Variants in PAK1IP1 observed in about 807,000 individuals in gnomAD.
PAK1IP1 encodes the protein p21-activated protein kinase-interacting protein 1.
PAK1IP1 carries 24 observed loss-of-function variants against 42.0 expected under a neutral mutation model. That is an observed-to-expected ratio of 0.57 (90% CI 0.41 to 0.80). PAK1IP1 has a LOEUF of 0.80. PAK1IP1 is among the 30% of genes least tolerant of loss of function. The pLI is 0.00. For missense variants in PAK1IP1, 411 were observed against 467.9 expected (o/e 0.88, Z 1.12); for synonymous variants, 154 against 156.7 (o/e 0.98, Z 0.13).
chr6:10,704,638 G>A lies in PAK1IP1; in HGVS notation c.628G>A (p.Val210Ile). 1.9e-6 allele frequency: 3 copies of A among 1,612,326 alleles called. No individual in the cohort carries two copies. The highest frequency in any genetic ancestry group is 2.7e-5 in the African/African-American group (2 of 75,030). The change falls in exon 6 of 10, where the codon GTT becomes ATT. Residue 210 changes from valine to isoleucine, a missense_variant. Val to Ile is a conservative substitution (Grantham distance 29). Transcript: ENST00000379568. ...CACAAATGAAAAGAGAATTTCCTCT[G>A]TTAAATTTCTTTCAGTAAGTAATCA... ...TITNEKRISSVKFLSESVLAV... is the reference protein window; with the variant it reads ...TITNEKRISSIKFLSESVLAV...
Position 10,704,738 on chromosome 6 carries a change from C to T in PAK1IP1, c.643-9C>T, listed in dbSNP as rs145613237. ...TCTGGATGTTATTACTCTTTTTCCT[C>T]TCTCCTAGGAGTCTGTCCTTGCAGT... On this transcript the variant is annotated splice_polypyrimidine_tract_variant and intron_variant, in intron 6 of 9. Transcript: ENST00000379568. 2.9e-5 allele frequency: 47 copies of T among 1,607,478 alleles called. No homozygotes were observed. The highest frequency in any genetic ancestry group is 3.3e-4 in the Middle Eastern group (2 of 6,056).
rs1245925548 is a variant in PAK1IP1 at position 10,707,615 on chromosome 6, T to C, written c.840+101T>C. 6 of 694,182 alleles carry C rather than the reference T, an allele frequency of 8.6e-6. No individual in the cohort carries two copies. In the East Asian group the frequency reaches 1.5e-4, roughly 18 times the overall value. The allele number at this position is 694,182 out of a possible 1,614,324, so 43.0% of individuals were successfully genotyped here. On this transcript the variant is annotated intron_variant, in intron 8 of 9. Transcript: ENST00000379568. ...TCATAAGACATAGGTCTTTAAACTT[T>C]TTAAATCTCTTCCAGGCATGATTGA...
At chr6:10,692,086 G>GGTAA (rs1769365848), upstream of PAK1IP1, among the ~76,000 whole-genome samples, 1 of 152,060 alleles carries the variant, frequency 6.6e-6, no homozygotes, top group Admixed American at 6.5e-5. Context: ...ATGTCCCTGG[G>GGTAA]GTAAGGAGAC....
upstream of PAK1IP1, among the ~76,000 whole-genome samples, chr6:10,693,735 T>A (rs1371079942): frequency 6.8e-6 from 1 of 146,704 alleles, no homozygotes; most frequent in East Asian, 2.1e-4. Flanking sequence ...TAAATAAAAC[T>A]TTTTTTTTCT....
At chr6:10,694,603 A>G, upstream of PAK1IP1, 4 of 179,126 alleles carry the variant, frequency 2.2e-5, no homozygotes, top group South Asian at 1.0e-4. Context: ...CCCCTAAGCA[A>G]CCGGCCGGAA....
At chr6:10,708,678 C>T (rs899559595) in intron 8 of PAK1IP1, among the ~76,000 whole-genome samples, 3 of 151,898 alleles carry the variant, frequency 2.0e-5, no homozygotes, top group Admixed American at 6.6e-5. Context: ...CTATTCCTCC[C>T]CCTGCCCCCC....
In PAK1IP1 at chr6:10,709,272, G is replaced by T. The variant is rs201629252; in HGVS notation, c.999G>T (p.Glu333Asp). The T allele has an allele frequency of 6.2e-7, 1 of 1,612,054 alleles. No individual in the cohort carries two copies. Residue 333 changes from glutamate to aspartate, a missense_variant, in exon 10 of 10, where the codon GAG becomes GAT. By Grantham distance (45) the Glu-to-Asp change is conservative. Coordinates refer to ENST00000379568, the MANE Select transcript of PAK1IP1 (RefSeq NM_017906.3). ...SKEQSKIGKKEPGDTVHKEEK... is the reference protein window; with the variant it reads ...SKEQSKIGKKDPGDTVHKEEK... ...AACAGTCCAAAATTGGCAAAAAGGAGCCTGGTGACACAGTGCACAAAGAAG... is the reference window on the plus strand; with the variant it reads ...AACAGTCCAAAATTGGCAAAAAGGATCCTGGTGACACAGTGCACAAAGAAG...
chr6:10,699,312 G>A (rs1769956479), intron 2 of PAK1IP1, among the ~76,000 whole-genome samples: 1 of 152,098 alleles, frequency 6.6e-6, no homozygotes, highest in Non-Finnish European at 1.5e-5. Context: ...AGGCATGAAA[G>A]GGATGGGAAG....
At chr6:10,703,325 A>G (rs1561893114) in intron 4 of PAK1IP1, 80 bp from the exon 5 acceptor site, 2 of 981,708 alleles carry the variant, frequency 2.0e-6, no homozygotes, top group Non-Finnish European at 3.2e-6. Flanking sequence ...ATGTCACTTA[A>G]GTCTTCATTA....
At chr6:10,691,645 G>T (rs1243413838), upstream of PAK1IP1, among the ~76,000 whole-genome samples, 2 of 151,810 alleles carry the variant, frequency 1.3e-5, no homozygotes, top group African/African-American at 4.9e-5. Context: ...AATATGAGGG[G>T]TGGTCTCCCT....
rs1296727297 is a variant in PAK1IP1 at position 10,709,595 on chromosome 6, G to GTT, written c.*150_*151dup. ...TATATTAAAAAACCACTTTTAGATGGTTTTTTTTAAAAAAAAAAAAAAAAC... is the reference window on the plus strand; with the variant it reads ...TATATTAAAAAACCACTTTTAGATGGTTTTTTTTTTAAAAAAAAAAAAAAAAC... On this transcript the variant is annotated 3_prime_UTR_variant, in exon 10 of 10. Coordinates refer to ENST00000379568, the MANE Select transcript of PAK1IP1 (RefSeq NM_017906.3). 1 of 289,772 alleles carries GTT rather than the reference G, an allele frequency of 3.5e-6. No individual in the cohort carries two copies. The highest frequency in any genetic ancestry group is 4.4e-5 in the African/African-American group (1 of 22,772). 18.0% of individuals were successfully genotyped at this position (289,772 alleles called of 1,614,324 possible).
rs2127482470 is a variant in PAK1IP1 at position 10,709,011 on chromosome 6, G to T, written c.899G>T (p.Gly300Val). ...INTNARLTCL[G>V]VWLDKVADMK... Reference sequence around the variant, plus strand: ...ACTAATGCCAGGCTGACGTGTCTTGGAGTGTGGCTAGACAAAGTGGCAGAC... The same window carrying T: ...ACTAATGCCAGGCTGACGTGTCTTGTAGTGTGGCTAGACAAAGTGGCAGAC... The change falls in exon 9 of 10, where the codon GGA (glycine) becomes GTA (valine). Residue 300 changes from glycine (G) to valine (V), a missense_variant. Transcript: ENST00000379568. The T allele has an allele frequency of 6.2e-7, 1 of 1,612,132 alleles. No individual in the cohort carries two copies. The highest frequency in any genetic ancestry group is 2.2e-5 in the East Asian group (1 of 44,864).
intron 2 of PAK1IP1, among the ~76,000 whole-genome samples, chr6:10,699,258 G>A (rs1013205718): frequency 6.6e-6 from 1 of 151,736 alleles, no homozygotes; most frequent in Non-Finnish European, 1.5e-5. Context: ...TCAAGGGCCT[G>A]GAGATCTCTG....
At chr6:10,694,627 C>T, upstream of PAK1IP1, 1 of 192,242 alleles carries the variant, frequency 5.2e-6, no homozygotes, top group South Asian at 9.0e-5. Context: ...GGCCCCACCT[C>T]CTCCTGATGT....
At chr6:10,697,600 G>T in intron 2 of PAK1IP1, 114 bp downstream of exon 2, 1 of 840,630 alleles carries the variant, frequency 1.2e-6, no homozygotes, top group Non-Finnish European at 1.8e-6. Context: ...AGAAGATAGA[G>T]GAATTTTAAA....
In PAK1IP1 at chr6:10,709,242, TAAAGA is replaced by T. The variant is rs1371896109; in HGVS notation, c.971_975del (p.Lys324ThrfsTer11). The T allele has an allele frequency of 6.2e-7, 1 of 1,607,434 alleles. No individual in the cohort carries two copies. Among genetic ancestry groups the T allele is most frequent in the East Asian group, 2.2e-5 (1 of 44,848 alleles). On this transcript the variant is annotated frameshift_variant, in exon 10 of 10. Transcript: ENST00000379568. LOFTEE classifies it low-confidence loss of function (END_TRUNC). ...GCACTCTCTTTTGTGTTTTAGTAAG[TAAAGA>T]ACAGTCCAAAATTGGCAAAAAGGAG... is the stretch of plus-strand genomic sequence containing the variant.
At chr6:10,695,882 T>G (rs1214155083) in intron 1 of PAK1IP1, among the ~76,000 whole-genome samples, 1 of 152,212 alleles carries the variant, frequency 6.6e-6, no homozygotes, top group Non-Finnish European at 1.5e-5. Context: ...TTCGTTTATT[T>G]TGTTTCCTAC....
At chr6:10,703,337 G>T (rs1303824903) in intron 4 of PAK1IP1, 68 bp from the exon 5 acceptor site, 2 of 1,151,756 alleles carry the variant, frequency 1.7e-6, no homozygotes, top group Non-Finnish European at 2.6e-6. Context: ...TCTTCATTAT[G>T]CTTGTTCTTT....
At chr6:10,694,511 G>C (rs1432752259), upstream of PAK1IP1, 1 of 156,402 alleles carries the variant, frequency 6.4e-6, no homozygotes, top group African/African-American at 2.4e-5. Flanking sequence ...ACGACAGAAA[G>C]CCTCGTTCCG....
Sources: gnomAD v4.1 joint callset for allele counts (sites outside exome capture counted in the v4.1 genomes callset) on GRCh38, gnomAD v4.1.1 for gene constraint, MANE v1.5 for transcripts, NCBI Gene and HGNC (gene_info 2026-07-23, HGNC 2026-07-21) for gene names.